The following IL6 variants were observed in gnomAD, a reference collection of about 807,000 sequenced individuals.
IL6 encodes interleukin 6.
IL6 carries 5 observed loss-of-function variants against 18.0 expected under a neutral mutation model. That is an observed-to-expected ratio of 0.28 (90% confidence interval 0.15 to 0.58). IL6 has a LOEUF of 0.58. Ranked by LOEUF, IL6 falls within the 20% of genes least tolerant of loss-of-function variation. The probability of loss-of-function intolerance (pLI) is 0.90; values close to 1 mark genes in which losing one functional copy is unlikely to be tolerated. For synonymous variants in IL6, 97 were observed against 95.1 expected (o/e 1.02, Z -0.12); for missense variants, 266 against 251.0 (o/e 1.06, Z -0.40).
rs1302824312 is a variant in IL6, at chr7:22,728,781, G to A, written c.299G>A (p.Gly100Glu). The change falls in exon 3 of 5, where the codon GGA (glycine) becomes GAA (glutamate). Residue 100 changes from glycine (G) to glutamate (E), a missense_variant. Physicochemically the swap from Gly to Glu is moderately conservative, Grantham distance 98. Coordinates refer to ENST00000258743, the MANE Select transcript of IL6 (RefSeq NM_000600.5). The stretch of plus-strand genomic sequence containing the variant: ...CTTCCAAAGATGGCTGAAAAAGATG[G>A]ATGCTTCCAATCTGGATTCAATGAG... ...LNLPKMAEKDGCFQSGFNEET... is the reference protein window; with the variant it reads ...LNLPKMAEKDECFQSGFNEET... The A allele has an allele frequency of 6.2e-7, 1 of 1,611,128 alleles. No homozygotes were observed. The highest frequency in any genetic ancestry group is 1.3e-5 in the African/African-American group (1 of 74,976).
Position 22,729,513 on chromosome 7 carries a change from G to C in IL6, c.325-1G>C. On this transcript the variant is annotated splice_acceptor_variant, in intron 3 of 4. Transcript: ENST00000258743. LOFTEE classifies it high-confidence loss of function. Reference sequence around the variant, plus strand: ...AATTTTCCCACCATCTTTCCTCTTAGGAGACTTGCCTGGTGAAAATCATCA... The same window carrying C: ...AATTTTCCCACCATCTTTCCTCTTACGAGACTTGCCTGGTGAAAATCATCA... 1 of 1,612,246 alleles carries C rather than the reference G, an allele frequency of 6.2e-7. No individual in the cohort carries two copies. Among genetic ancestry groups the C allele is most frequent in the Non-Finnish European group, 8.5e-7 (1 of 1,178,644 alleles).
chr7:22,731,281 C>A, intron 4 of IL6, 125 bp from the exon 5 acceptor site: 2 of 671,488 alleles, frequency 3.0e-6, no homozygotes, highest in Non-Finnish European at 4.7e-6. Context: ...AGAGCAGGCA[C>A]CCCAGTTAAT....
intron 4 of IL6, chr7:22,730,123 C>T: frequency 2.0e-6 from 2 of 985,328 alleles, no homozygotes; most frequent in Middle Eastern, 1.0e-3. Flanking sequence ...GAGAAATGGT[C>T]AGAGACTCAA....
rs1784123221 is a variant in IL6, at chr7:22,731,445, A to G, written c.511A>G (p.Thr171Ala). The change falls in exon 5 of 5, where the codon ACA becomes GCA. Residue 171 changes from threonine to alanine, a missense_variant. By Grantham distance (58) the Thr-to-Ala change is moderately conservative. Coordinates refer to ENST00000258743, the MANE Select transcript of IL6 (RefSeq NM_000600.5). ...LDAITTPDPT[T>A]NASLLTKLQA... The stretch of plus-strand genomic sequence containing the variant: ...TGCAATAACCACCCCTGACCCAACC[A>G]CAAATGCCAGCCTGCTGACGAAGCT... 1.2e-6 allele frequency: 2 copies of G among 1,605,932 alleles called. No individual in the cohort carries two copies. Among genetic ancestry groups the G allele is most frequent in the East Asian group, 4.5e-5 (2 of 44,782 alleles).
chr7:22,727,349 T>C (rs1583431667), intron 1 of IL6, 68 bp downstream of exon 1: 1 of 1,613,668 alleles, frequency 6.2e-7, no homozygotes. Context: ...GGGAGGGGTG[T>C]GTGGCCCAGG....
chr7:22,731,071 A>T (rs1417833964), intron 4 of IL6, among the ~76,000 whole-genome samples: 1 of 152,064 alleles, frequency 6.6e-6, no homozygotes, highest in Non-Finnish European at 1.5e-5. Flanking sequence ...CCCCATCTCT[A>T]CTTAAAAATA....
intron 4 of IL6, 105 bp from the exon 5 acceptor site, chr7:22,731,301 C>T (rs1784119522): frequency 1.2e-6 from 1 of 856,108 alleles, no homozygotes; most frequent in Non-Finnish European, 1.7e-6. Flanking sequence ...TCTCATTCAC[C>T]CCACATTTCA....
chr7:22,731,620 G>C lies in IL6; in HGVS notation c.*47G>C. The C allele has an allele frequency of 1.4e-6, 2 of 1,463,942 alleles. No individual in the cohort carries two copies. Among genetic ancestry groups the C allele is most frequent in the Non-Finnish European group, 1.9e-6 (2 of 1,080,236 alleles). The allele number at this position is 1,463,942 out of a possible 1,614,324, so 90.7% of individuals were successfully genotyped here. A position where few individuals can be genotyped will look rare whatever the true frequency, so the allele number is the denominator to read the frequency against. ...TTGTTAATGGGCATTCCTTCTTCTG[G>C]TCAGAAACCTGTCCACTGGGCACAG... On this transcript the variant is annotated 3_prime_UTR_variant, in exon 5 of 5. Coordinates refer to ENST00000258743, the MANE Select transcript of IL6 (RefSeq NM_000600.5).
intron 4 of IL6, chr7:22,730,214 G>A: frequency 1.0e-6 from 1 of 985,428 alleles, no homozygotes; most frequent in Non-Finnish European, 1.2e-6. Flanking sequence ...TGGCTAGCAT[G>A]TGGAGGAGCC....
chr7:22,729,527 T>A lies in IL6; in HGVS notation c.338T>A (p.Val113Glu). 6.2e-7 allele frequency: 1 copy of A among 1,613,716 alleles called. No individual in the cohort carries two copies. The highest frequency in any genetic ancestry group is 8.5e-7 in the Non-Finnish European group (1 of 1,179,720). The change falls in exon 4 of 5, where the codon GTG (valine) becomes GAG (glutamate). Residue 113 changes from valine (V) to glutamate (E), a missense_variant. Coordinates refer to ENST00000258743, the MANE Select transcript of IL6 (RefSeq NM_000600.5). ...CTTTCCTCTTAGGAGACTTGCCTGG[T>A]GAAAATCATCACTGGTCTTTTGGAG... Reference protein sequence around the residue: ...QSGFNEETCLVKIITGLLEFE... With the variant: ...QSGFNEETCLEKIITGLLEFE...
At chr7:22,728,617 G>C (rs1220793025) in intron 2 of IL6, 76 bp from the exon 3 acceptor site, 2 of 836,234 alleles carry the variant, frequency 2.4e-6, no homozygotes, top group Non-Finnish European at 2.0e-6. Context: ...GGCTGTGGTT[G>C]AACAATGAAA....
chr7:22,729,093 G>A lies in IL6; in HGVS notation c.324+287G>A, dbSNP rs186185759. On this transcript the variant is annotated intron_variant, in intron 3 of 4. Coordinates refer to ENST00000258743, the MANE Select transcript of IL6 (RefSeq NM_000600.5). ...TCATCCTGGGAAAGGTACTCTCAGGGCCTTTTCCCTCTCTGGCTGCCCCTG... is the reference window on the plus strand; with the variant it reads ...TCATCCTGGGAAAGGTACTCTCAGGACCTTTTCCCTCTCTGGCTGCCCCTG... Among the ~76,000 whole-genome samples the A allele has an allele frequency of 1.7e-3, 252 of 152,310 alleles. 2 individuals carry two copies. Among genetic ancestry groups the A allele is most frequent in the African/African-American group, 5.9e-3 (244 of 41,552 alleles).
Position 22,727,568 on chromosome 7 carries a change from C to G in IL6, c.144C>G (p.Thr48=), listed in dbSNP as rs1309119855. The change falls in exon 2 of 5, where the codon ACC becomes ACG. Residue 48 remains threonine (T), a synonymous_variant. Transcript: ENST00000258743. ...DVAAPHRQPL[T]SSERIDKQIR... is the part of the protein sequence containing the mutation. ...CCGCCCCACACAGACAGCCACTCAC[C>G]TCTTCAGAACGAATTGACAAACAAA... 5.0e-6 allele frequency: 8 copies of G among 1,596,224 alleles called. No homozygotes were observed. In the East Asian group the frequency reaches 1.8e-4, roughly 36 times the overall value.
chr7:22,729,939 C>T (rs1403770925), intron 4 of IL6: 6 of 1,363,430 alleles, frequency 4.4e-6, no homozygotes, highest in Non-Finnish European at 5.7e-6. Flanking sequence ...AGATTTAAAA[C>T]CAAAGGCGGG....
intron 4 of IL6, chr7:22,730,048 G>C (rs1784097555): frequency 1.0e-6 from 1 of 985,268 alleles, no homozygotes; most frequent in African/African-American, 1.7e-5. Context: ...TCATTGCCAA[G>C]TGACATTCTT....
rs2128174047 is a variant in IL6, at chr7:22,727,426, C to T, written c.20-18C>T. 3 of 1,613,636 alleles carry T rather than the reference C, an allele frequency of 1.9e-6. No individual in the cohort carries two copies. Among genetic ancestry groups the T allele is most frequent in the Non-Finnish European group, 2.5e-6 (3 of 1,179,778 alleles). On this transcript the variant is annotated intron_variant, in intron 1 of 4. Transcript: ENST00000258743. ...TGTGCTGTCAGCTCACCCCTGCGCTCGCTCCCCTCCGGCACAGGCGCCTTC... is the reference window on the plus strand; with the variant it reads ...TGTGCTGTCAGCTCACCCCTGCGCTTGCTCCCCTCCGGCACAGGCGCCTTC...
intron 4 of IL6, chr7:22,730,185 C>T (rs1784100210): frequency 1.0e-6 from 1 of 985,260 alleles, no homozygotes; most frequent in Non-Finnish European, 1.2e-6. Flanking sequence ...GCTATTCAGA[C>T]AGCAGGGAGT....
chr7:22,729,560 T>C lies in IL6; in HGVS notation c.371T>C (p.Val124Ala), dbSNP rs771660418. ...ATCACTGGTCTTTTGGAGTTTGAGG[T>C]ATACCTAGAGTACCTCCAGAACAGA... Reference protein sequence around the residue: ...KIITGLLEFEVYLEYLQNRFE... With the variant: ...KIITGLLEFEAYLEYLQNRFE... Residue 124 changes from valine (V) to alanine (A), a missense_variant, in exon 4 of 5, where the codon GTA (valine) becomes GCA (alanine). Coordinates refer to ENST00000258743, the MANE Select transcript of IL6 (RefSeq NM_000600.5). 3.1e-6 allele frequency: 5 copies of C among 1,614,008 alleles called. No individual in the cohort carries two copies. Among genetic ancestry groups the C allele is most frequent in the African/African-American group, 1.3e-5 (1 of 74,888 alleles).
Position 22,731,439 on chromosome 7 carries a change from C to G in IL6, c.505C>G (p.Pro169Ala), listed in dbSNP as rs769888477. The G allele has an allele frequency of 1.2e-6, 2 of 1,604,468 alleles. No individual in the cohort carries two copies. Among genetic ancestry groups the G allele is most frequent in the South Asian group, 2.2e-5 (2 of 89,748 alleles). The stretch of plus-strand genomic sequence containing the variant: ...TCTAGATGCAATAACCACCCCTGAC[C>G]CAACCACAAATGCCAGCCTGCTGAC... ...KNLDAITTPD[P>A]TTNASLLTKL... The change falls in exon 5 of 5, where the codon CCA (proline) becomes GCA (alanine). Residue 169 changes from proline (P) to alanine (A), a missense_variant. Transcript: ENST00000258743.
Sources: allele counts gnomAD v4.1 joint callset (sites outside exome capture counted in the v4.1 genomes callset), GRCh38; gene constraint gnomAD v4.1.1; transcripts MANE v1.5; gene names NCBI Gene and HGNC (gene_info 2026-07-23, HGNC 2026-07-21).